AP3B1: variants seen among roughly 807,000 people sequenced by gnomAD.
The protein encoded by AP3B1 is adaptor related protein complex 3 subunit beta 1.
A neutral mutation model predicts 132.5 loss-of-function variants in AP3B1; 61 were observed. The ratio of observed to expected loss-of-function variants is 0.46; its 90% CI spans 0.37 to 0.57. The LOEUF is 0.57. Among genes scored for constraint, AP3B1 ranks in the 20% least tolerant of loss-of-function variants. AP3B1 has a pLI of 0.00. For missense variants in AP3B1, 1,120 were observed against 1,289.4 expected, an observed-to-expected ratio of 0.87 and a Z score of 2.01; for synonymous variants, 388 against 438.3, an observed-to-expected ratio of 0.89 and a Z score of 1.43.
chr5:78,257,933 G>A (rs1166886452), intron 2 of AP3B1, among the ~76,000 whole-genome samples: 1 of 152,114 alleles, frequency 6.6e-6, no homozygotes, highest in Non-Finnish European at 1.5e-5. Context: ...CTAATAAATG[G>A]TGCTAGGAAA....
At chr5:78,177,081 T>C (rs1033919150) in intron 9 of AP3B1, among the ~76,000 whole-genome samples, 6 of 152,320 alleles carry the variant, frequency 3.9e-5, no homozygotes, top group South Asian at 4.1e-4. Flanking sequence ...ACTAGGCTAC[T>C]AGTGACACTC....
At chr5:78,167,530 C>A (rs1281940531) in intron 11 of AP3B1, among the ~76,000 whole-genome samples, 1 of 152,088 alleles carries the variant, frequency 6.6e-6, no homozygotes, top group African/African-American at 2.4e-5. Context: ...AAAAAAGATA[C>A]TTGCACACAC....
intron 17 of AP3B1, 127 bp from the exon 18 acceptor site, chr5:78,116,361 T>A: frequency 1.3e-6 from 1 of 763,466 alleles, no homozygotes; most frequent in Non-Finnish European, 2.2e-6. Context: ...GGAATGCAAC[T>A]GTTAGAAGTC....
At chr5:78,155,581 T>A (rs959254616) in intron 14 of AP3B1, among the ~76,000 whole-genome samples, 2 of 152,102 alleles carry the variant, frequency 1.3e-5, no homozygotes, top group African/African-American at 2.4e-5. Context: ...AAGTACTATA[T>A]TCGAAAACAT....
intron 19 of AP3B1, among the ~76,000 whole-genome samples, chr5:78,110,966 T>C (rs768335407): frequency 5.9e-5 from 9 of 152,108 alleles, no homozygotes; most frequent in Non-Finnish European, 7.4e-5. Context: ...CTAGGTTGCC[T>C]AGGCTGGTCT....
chr5:78,053,043 T>C lies in AP3B1; in HGVS notation c.2578-13769A>G, dbSNP rs545745528. Among the ~76,000 whole-genome samples, 3 of 152,344 alleles carry C rather than the reference T, an allele frequency of 2.0e-5. No individual in the cohort carries two copies. The East Asian group carries it at 5.8e-4, about 29-fold the overall frequency. On this transcript the variant is annotated intron_variant, in intron 22 of 26. Transcript: ENST00000255194. ...AGCATTTTACAGAAGCCCAAAACAA[T>C]TATGCATTGTTAAGCTGTGATTTGA...
intron 22 of AP3B1, among the ~76,000 whole-genome samples, chr5:78,053,904 T>C (rs1232320132): frequency 6.6e-6 from 1 of 152,116 alleles, no homozygotes; most frequent in Non-Finnish European, 1.5e-5. Context: ...CACTCAGCAG[T>C]GAGGTGTGGT....
At chr5:78,138,801 TC>T (rs1255726789) in intron 15 of AP3B1, among the ~76,000 whole-genome samples, 2 of 151,590 alleles carry the variant, frequency 1.3e-5, no homozygotes, top group East Asian at 3.9e-4. Context: ...GTGAAACCTG[TC>T]TCTACTAAAA....
chr5:78,136,800 A>G (rs187095532), intron 15 of AP3B1, among the ~76,000 whole-genome samples: 3 of 152,190 alleles, frequency 2.0e-5, no homozygotes, highest in African/African-American at 7.2e-5. Flanking sequence ...CATTTTTCTA[A>G]TAATCCCTAT....
In AP3B1 at chr5:78,239,435, C is replaced by T. The variant is rs376079072; in HGVS notation, c.279+1427G>A. On this transcript the variant is annotated intron_variant, in intron 3 of 26. Coordinates refer to ENST00000255194, the MANE Select transcript of AP3B1 (RefSeq NM_003664.5). Reference sequence around the variant, plus strand: ...ACAGTAAGCCACGATCATGCCACTGCACTCCAGCCTGGGAGATAGAGAGGA... The same window carrying T: ...ACAGTAAGCCACGATCATGCCACTGTACTCCAGCCTGGGAGATAGAGAGGA... Among the ~76,000 whole-genome samples the T allele has an allele frequency of 6.1e-5, 9 of 146,898 alleles. 1 individual carries two copies. The South Asian group carries it at 1.7e-3, about 28-fold the overall frequency.
chr5:78,273,638 T>C (rs1748648615), intron 1 of AP3B1, among the ~76,000 whole-genome samples: 1 of 152,086 alleles, frequency 6.6e-6, no homozygotes, highest in Non-Finnish European at 1.5e-5. Flanking sequence ...CTGCAATTCC[T>C]AAGGCAAGAC....
At chr5:78,155,097 G>A (rs1425132728) in intron 14 of AP3B1, among the ~76,000 whole-genome samples, 2 of 152,098 alleles carry the variant, frequency 1.3e-5, no homozygotes, top group Admixed American at 6.6e-5. Flanking sequence ...ATTGTATTTG[G>A]GAAGGCTTTC....
At chr5:78,051,710 T>C (rs868110306) in intron 22 of AP3B1, among the ~76,000 whole-genome samples, 2 of 152,180 alleles carry the variant, frequency 1.3e-5, no homozygotes, top group Admixed American at 1.3e-4. Flanking sequence ...TTCAAAGATA[T>C]GAAAATCTGC....
At chr5:78,155,623 A>G (rs1743116173) in intron 14 of AP3B1, among the ~76,000 whole-genome samples, 1 of 152,186 alleles carries the variant, frequency 6.6e-6, no homozygotes, top group African/African-American at 2.4e-5. Context: ...TAAGTGAAAG[A>G]TGCCAGAAAC....
At chr5:78,030,726 G>C (rs1204623833) in intron 24 of AP3B1, among the ~76,000 whole-genome samples, 5 of 152,154 alleles carry the variant, frequency 3.3e-5, no homozygotes, top group Non-Finnish European at 7.3e-5. Flanking sequence ...GCCTAGGCTG[G>C]AGTGTAGTGG....
At chr5:78,090,514 C>T (rs1750465654) in intron 21 of AP3B1, among the ~76,000 whole-genome samples, 1 of 152,164 alleles carries the variant, frequency 6.6e-6, no homozygotes. Context: ...GGCAAGCTAC[C>T]CTTTAAAAGG....
intron 20 of AP3B1, among the ~76,000 whole-genome samples, chr5:78,101,648 T>A (rs1025041633): frequency 6.6e-6 from 1 of 152,088 alleles, no homozygotes; most frequent in African/African-American, 2.4e-5. Flanking sequence ...CAAAAACATA[T>A]CTGCATATAA....
At chr5:78,072,971 C>T (rs779605990) in intron 22 of AP3B1, among the ~76,000 whole-genome samples, 14 of 152,004 alleles carry the variant, frequency 9.2e-5, no homozygotes, top group South Asian at 2.1e-4. Context: ...CTGCCTGCCT[C>T]GGCCTCCCAA....
intron 15 of AP3B1, among the ~76,000 whole-genome samples, chr5:78,138,786 A>G (rs1753017818): frequency 6.6e-6 from 1 of 151,984 alleles, no homozygotes; most frequent in Non-Finnish European, 1.5e-5. Flanking sequence ...AGCCTGGCCA[A>G]CACGGTGAAA....
Sources: allele counts gnomAD v4.1 joint callset (sites outside exome capture counted in the v4.1 genomes callset), GRCh38; gene constraint gnomAD v4.1.1; transcripts MANE v1.5; gene names NCBI Gene and HGNC (gene_info 2026-07-23, HGNC 2026-07-21).